Variants in CTPS2 observed in about 807,000 individuals in gnomAD.
The protein encoded by CTPS2 is CTP synthase II.
In CTPS2, 19 loss-of-function variants were observed where a neutral mutation model predicts 46.8. The ratio of observed to expected loss-of-function variants is 0.41; its 90% CI spans 0.28 to 0.60. The LOEUF is 0.60. Among genes scored for constraint, CTPS2 ranks in the 20% least tolerant of loss-of-function variants. CTPS2 has a pLI of 0.35. For synonymous variants in CTPS2, 151 were observed against 165.2 expected, an observed-to-expected ratio of 0.91 and a Z score of 0.66; for missense variants, 286 against 447.6, an observed-to-expected ratio of 0.64 and a Z score of 3.26.
At chrX:16,674,416 G>A (rs1304577875) in intron 10 of CTPS2, among the ~76,000 whole-genome samples, 2 of 111,180 alleles carry the variant, frequency 1.8e-5, no homozygotes, top group Non-Finnish European at 3.8e-5. Flanking sequence ...ACCCACCTCA[G>A]CCTCCCAAAG....
chrX:16,703,189 T>C (rs1924718968), intron 1 of CTPS2, among the ~76,000 whole-genome samples: 1 of 109,639 alleles, frequency 9.1e-6, no homozygotes, highest in African/African-American at 3.3e-5. Flanking sequence ...CACGCCCTGC[T>C]AATTTTTGTG....
intron 15 of CTPS2, among the ~76,000 whole-genome samples, chrX:16,618,165 G>T (rs1237911629): frequency 1.8e-5 from 2 of 111,399 alleles, no homozygotes; most frequent in African/African-American, 6.5e-5. Flanking sequence ...TGCCTATTCT[G>T]GTCATTTTAT....
In CTPS2 at chrX:16,681,606, C is replaced by T. The variant is rs755686683; in HGVS notation, c.1005+1488G>A. Among the ~76,000 whole-genome samples, 4 of 111,390 alleles carry T rather than the reference C, an allele frequency of 3.6e-5. No individual in the cohort carries two copies. In the East Asian group the frequency reaches 8.4e-4, roughly 23 times the overall value. Reference sequence around the variant, plus strand: ...TGTCACCCAGGCTGGAGTGCAGTGGCGCAATTATAGCTCACCGCAGTATCA... The same window carrying T: ...TGTCACCCAGGCTGGAGTGCAGTGGTGCAATTATAGCTCACCGCAGTATCA... On this transcript the variant is annotated intron_variant, in intron 9 of 18. Transcript: ENST00000359276.
intron 13 of CTPS2, among the ~76,000 whole-genome samples, chrX:16,643,810 G>A (rs1932186332): frequency 9.1e-6 from 1 of 109,740 alleles, no homozygotes; most frequent in Admixed American, 9.8e-5. Flanking sequence ...CAGCTAGCTG[G>A]GGCCATTGTC....
intron 17 of CTPS2, among the ~76,000 whole-genome samples, chrX:16,602,137 ATTAATC>A (rs1929704936): frequency 9.0e-6 from 1 of 111,448 alleles, no homozygotes; most frequent in Admixed American, 9.6e-5. Flanking sequence ...GCAGGAAGAT[ATTAATC>A]TTAATGTTAG....
At chrX:16,690,896 T>A (rs1030645943) in intron 7 of CTPS2, among the ~76,000 whole-genome samples, 14 of 111,959 alleles carry the variant, frequency 1.3e-4, no homozygotes, top group Non-Finnish European at 2.1e-4. Flanking sequence ...TGGGGTGACT[T>A]AAGCTGCCAC....
At chrX:16,593,286 G>A (rs1727977) in intron 17 of CTPS2, among the ~76,000 whole-genome samples, 3 of 109,739 alleles carry the variant, frequency 2.7e-5, no homozygotes, top group Non-Finnish European at 5.7e-5. Context: ...AAAATTAGCC[G>A]GGTGTGGTGG....
At chrX:16,673,777 C>T (rs1921977332) in intron 10 of CTPS2, among the ~76,000 whole-genome samples, 1 of 111,693 alleles carries the variant, frequency 9.0e-6, no homozygotes, top group Non-Finnish European at 1.9e-5. Context: ...TAGGTTTTCT[C>T]AATGCTTTAA....
intron 11 of CTPS2, among the ~76,000 whole-genome samples, chrX:16,670,056 T>TC (rs1408319388): frequency 2.1e-3 from 138 of 64,789 alleles, no homozygotes; most frequent in African/African-American, 0.015. Flanking sequence ...AGACTCCATC[T>TC]CTTAAAAAAA....
intron 2 of CTPS2, among the ~76,000 whole-genome samples, chrX:16,699,755 T>A (rs184318717): frequency 1.8e-5 from 2 of 112,376 alleles, no homozygotes; most frequent in East Asian, 5.6e-4. Flanking sequence ...AAGGGAACTA[T>A]CATTTATTCC....
chrX:16,616,376 C>A (rs1384592970), intron 16 of CTPS2, among the ~76,000 whole-genome samples: 2 of 112,073 alleles, frequency 1.8e-5, no homozygotes. Flanking sequence ...AAATGACTGA[C>A]CCGTGCTTGA....
chrX:16,617,246 C>T lies in CTPS2; in HGVS notation c.1450G>A (p.Val484Ile). Residue 484 changes from valine to isoleucine, a missense_variant and splice_region_variant, in exon 16 of 19, where the codon GTA (valine) becomes ATA (isoleucine). By Grantham distance (29) the Val-to-Ile change is conservative. Transcript: ENST00000359276. Reference protein sequence around the residue: ...IEERHRHRFEVNPNLIKQFEQ... With the variant: ...IEERHRHRFEINPNLIKQFEQ... ...AATTGTTTGATCAGGTTAGGGTTTA[C>T]CTGCAAAACAAGAAATTAAGTGTTT... 1.7e-6 allele frequency: 2 copies of T among 1,194,036 alleles called. No homozygotes were observed. The highest frequency in any genetic ancestry group is 2.3e-6 in the Non-Finnish European group (2 of 882,732).
chrX:16,699,034 T>C lies in CTPS2; in HGVS notation c.226A>G (p.Arg76Gly). ...EVDLDLGNYE[R>G]FLDINLYKDN... is the part of the protein sequence containing the mutation. ...TTATAAAGATTAATATCCAAAAATC[T>C]TTCATAATTTCCAAGGTCTAAATCA... is the stretch of plus-strand genomic sequence containing the variant. The change falls in exon 3 of 19, where the codon AGA becomes GGA. Residue 76 changes from arginine (R) to glycine (G), a missense_variant. Transcript: ENST00000359276. 8.4e-7 allele frequency: 1 copy of C among 1,187,688 alleles called. No homozygotes were observed. Among genetic ancestry groups the C allele is most frequent in the Non-Finnish European group, 1.1e-6 (1 of 882,906 alleles).
chrX:16,643,145 C>G lies in CTPS2; in HGVS notation c.1297-3902G>C, dbSNP rs142967738. Among the ~76,000 whole-genome samples the G allele has an allele frequency of 6.8e-3, 768 of 112,144 alleles. 1 individual carries two copies. The highest frequency in any genetic ancestry group is 0.012 in the Non-Finnish European group (648 of 53,221). The stretch of plus-strand genomic sequence containing the variant: ...TAATAAAAGTGTAATGAGTTCAAGA[C>G]TTTACAGCATCCCAGGTGCCTTAAA... On this transcript the variant is annotated intron_variant, in intron 13 of 18. Transcript: ENST00000359276.
In CTPS2 at chrX:16,688,938, A is replaced by T. The variant is rs763665639; in HGVS notation, c.872+512T>A. 2.2e-3 allele frequency among the ~76,000 whole-genome samples: 241 copies of T among 108,732 alleles called. 2 individuals carry two copies. Among genetic ancestry groups the T allele is most frequent in the African/African-American group, 2.6e-3 (77 of 29,781 alleles). 94.4% of individuals were successfully genotyped at this position (108,732 alleles called of 115,157 possible). On this transcript the variant is annotated intron_variant, in intron 8 of 18. Coordinates refer to ENST00000359276, the MANE Select transcript of CTPS2 (RefSeq NM_175859.3). ...GAAAAATCCCGTCTCTACAAAAAAA[A>T]AAAAATATATATTAGCCGGGTGTGG...
At chrX:16,670,728 T>A in intron 10 of CTPS2, 54 bp from the exon 11 acceptor site, 1 of 861,160 alleles carries the variant, frequency 1.2e-6, no homozygotes, top group East Asian at 3.2e-5. Flanking sequence ...TTTTTTAAAC[T>A]AGTGTATTCA....
At chrX:16,684,607 A>C (rs926058627) in intron 8 of CTPS2, among the ~76,000 whole-genome samples, 16 of 111,240 alleles carry the variant, frequency 1.4e-4, no homozygotes, top group African/African-American at 5.2e-4. Context: ...GGAATAATGC[A>C]CAAGAAGCTA....
intron 9 of CTPS2, among the ~76,000 whole-genome samples, chrX:16,681,022 C>A (rs1922703070): frequency 9.0e-6 from 1 of 111,603 alleles, no homozygotes; most frequent in African/African-American, 3.3e-5. Context: ...TCCATCTCTA[C>A]TAAAAATACA....
At chrX:16,693,284 G>A (rs1923849552) in intron 5 of CTPS2, 60 bp from the exon 6 acceptor site, 3 of 1,070,530 alleles carry the variant, frequency 2.8e-6, no homozygotes, top group East Asian at 3.0e-5. Context: ...ATGATTAATG[G>A]TGCCCCACTT....
Sources: allele counts gnomAD v4.1 joint callset (sites outside exome capture counted in the v4.1 genomes callset), GRCh38; gene constraint gnomAD v4.1.1; transcripts MANE v1.5; gene names NCBI Gene and HGNC (gene_info 2026-07-23, HGNC 2026-07-21).